GLUD1: variants seen among roughly 807,000 people sequenced by gnomAD.
The protein encoded by GLUD1 is glutamate dehydrogenase 1, mitochondrial.
A neutral mutation model predicts 56.0 loss-of-function variants in GLUD1; 22 were observed. The observed-to-expected ratio is 0.39, with a 90% CI of 0.28 to 0.56. GLUD1 has a LOEUF of 0.56. Ranked by LOEUF, GLUD1 falls within the 20% of genes least tolerant of loss-of-function variation. GLUD1 has a pLI of 0.58. For synonymous variants in GLUD1, 223 were observed against 269.9 expected (o/e 0.83, Z 1.70); for missense variants, 451 against 732.0 (o/e 0.62, Z 4.43).
intron 1 of GLUD1, among the ~76,000 whole-genome samples, chr10:87,079,922 C>T (rs1841163855): frequency 8.8e-6 from 1 of 113,040 alleles, no homozygotes; most frequent in East Asian, 2.8e-4. Flanking sequence ...CTCCCCCTCT[C>T]CCTCCCCCTC....
chr10:87,094,797 T>C lies in GLUD1; in HGVS notation c.-28A>G, dbSNP rs752229835. The C allele has an allele frequency of 5.3e-6, 8 of 1,512,346 alleles. No homozygotes were observed. The highest frequency in any genetic ancestry group is 1.8e-5 in the Admixed American group (1 of 54,170). The allele number at this position is 1,512,346 out of a possible 1,614,324, so 93.7% of individuals were successfully genotyped here. On this transcript the variant is annotated 5_prime_UTR_variant, in exon 1 of 13. Coordinates refer to ENST00000277865, the MANE Select transcript of GLUD1 (RefSeq NM_005271.5). This position sits in a 1 kb window ranked among gnomAD's most constrained non-coding sequence, Gnocchi z 6.6. ...CCACAAGCGGAGGGGAGGTGCGTGA[T>C]GGTCGCGAAACAGGCGCGCTTTCTC...
chr10:87,091,687 T>A (rs534878910), intron 1 of GLUD1: 14 of 360,156 alleles, frequency 3.9e-5, no homozygotes, highest in African/African-American at 3.1e-4. Context: ...AAAGTACACA[T>A]CAGCCACCAA....
At chr10:87,057,824 A>G (rs2133789275) in intron 10 of GLUD1, 42 bp from the exon 11 acceptor site, 2 of 750,662 alleles carry the variant, frequency 2.7e-6, no homozygotes, top group South Asian at 3.4e-5. Flanking sequence ...GCTAACAGAA[A>G]AAAAAAAAAA....
At position 87,081,166 on chromosome 10, in the gene GLUD1, C is replaced by G. The variant is rs1422158438; in HGVS notation, c.446-4510G>C. ...CTGGGAAGTGAGGAGTCCCTCTGCC[C>G]GGCCAGCCGCCCCGTCCAGGAGGGA... On this transcript the variant is annotated intron_variant, in intron 1 of 12. Transcript: ENST00000277865. Among the ~76,000 whole-genome samples the G allele has an allele frequency of 4.8e-5, 7 of 145,984 alleles. No homozygotes were observed. The East Asian group carries it at 1.4e-3, about 30-fold the overall frequency.
At position 87,093,400 on chromosome 10, in the gene GLUD1, TG is replaced by T. The variant is rs200077613; in HGVS notation, c.445+924del. On this transcript the variant is annotated intron_variant, in intron 1 of 12. Transcript: ENST00000277865. ...ACTAAAGAGGTATGATGCAATGTATTGGGGGGAAAAAAGCTCTTATTTGCTC... is the reference window on the plus strand; with the variant it reads ...ACTAAAGAGGTATGATGCAATGTATTGGGGGAAAAAAGCTCTTATTTGCTC... Among the ~76,000 whole-genome samples the T allele has an allele frequency of 7.7e-3, 1,167 of 152,228 alleles. 16 individuals are homozygous for T. The highest frequency in any genetic ancestry group is 0.027 in the African/African-American group (1,122 of 41,488).
intron 1 of GLUD1, chr10:87,093,799 T>C: frequency 1.6e-6 from 1 of 616,890 alleles, no homozygotes; most frequent in South Asian, 1.6e-5. Flanking sequence ...ATTCCTTTGG[T>C]TAATAAAACT....
Position 87,077,447 on chromosome 10 carries a change from A to C in GLUD1, c.446-791T>G, listed in dbSNP as rs959193760. On this transcript the variant is annotated intron_variant, in intron 1 of 12. Coordinates refer to ENST00000277865, the MANE Select transcript of GLUD1 (RefSeq NM_005271.5). ...TCCTTACCTGTTATTCTCCTCACCC[A>C]CTGCCAACCTCTTTCAATCTGAAAA... Among the ~76,000 whole-genome samples the C allele has an allele frequency of 2.0e-5, 3 of 152,044 alleles. No individual in the cohort carries two copies. The South Asian group carries it at 6.2e-4, about 32-fold the overall frequency.
rs200782393 is a variant in GLUD1, at chr10:87,060,184, C to G, written c.1255G>C (p.Glu419Gln). The change falls in exon 9 of 13, where the codon GAG (glutamate) becomes CAG (glutamine). Residue 419 changes from glutamate to glutamine, a missense_variant. Glu to Gln is a conservative substitution (Grantham distance 29, BLOSUM62 2). This residue lies in a region of GLUD1 where 248 missense variants were observed against 460.0 expected (regional missense o/e 0.54). Transcript: ENST00000277865. ...ACTGGAATAACCATAATGTTTCTCTCCAGGAAGATCTTGTCAGCTTCTGGA... is the reference window on the plus strand; with the variant it reads ...ACTGGAATAACCATAATGTTTCTCTGCAGGAAGATCTTGTCAGCTTCTGGA... ...TTPEADKIFL[E>Q]RNIMVIPDLY... 12 of 1,607,048 alleles carry G rather than the reference C, an allele frequency of 7.5e-6. No homozygotes were observed. Among genetic ancestry groups the G allele is most frequent in the Non-Finnish European group, 1.0e-5 (12 of 1,173,670 alleles).
In GLUD1 at chr10:87,063,271, C is replaced by T. The variant is rs139829091; in HGVS notation, c.742-436G>A. On this transcript the variant is annotated intron_variant, in intron 5 of 12. Coordinates refer to ENST00000277865, the MANE Select transcript of GLUD1 (RefSeq NM_005271.5). ...TGTTTTTAGTAGAGATGGGGTTTCT[C>T]CATGTTGGTCAGGCTGGTCTCAAAC... 6.7e-3 allele frequency among the ~76,000 whole-genome samples: 1,021 copies of T among 151,492 alleles called. 10 individuals carry two copies. Among genetic ancestry groups the T allele is most frequent in the African/African-American group, 0.022 (909 of 41,242 alleles).
At chr10:87,052,668 TCAAAAAAA>T (rs1318281224) in intron 12 of GLUD1, among the ~76,000 whole-genome samples, 3 of 16,538 alleles carry the variant, frequency 1.8e-4, no homozygotes, top group Non-Finnish European at 3.1e-4. Context: ...AAACTCCGTC[TCAAAAAAA>T]AAAAAAAAAA....
intron 3 of GLUD1, among the ~76,000 whole-genome samples, chr10:87,074,889 T>C (rs1923933): frequency 0.31 from 47,732 of 152,012 alleles, 7,796 homozygotes; most frequent in Middle Eastern, 0.36. Flanking sequence ...TAAGATTAAT[T>C]TAAATATAAT....
intron 9 of GLUD1, among the ~76,000 whole-genome samples, chr10:87,059,652 G>A (rs915517828): frequency 2.0e-5 from 3 of 152,168 alleles, no homozygotes; most frequent in African/African-American, 7.2e-5. Context: ...ATTACCTAAG[G>A]GTAGCCCATT....
intron 3 of GLUD1, among the ~76,000 whole-genome samples, chr10:87,075,363 T>C (rs1846356906): frequency 6.6e-6 from 1 of 152,104 alleles, no homozygotes. Context: ...ATTAATTACG[T>C]TTTAACTAAG....
chr10:87,070,378 A>C lies in GLUD1; in HGVS notation c.647-2221T>G, dbSNP rs183395393. ...CACTTTGGGAGGCCGAGGTGGGCTG[A>C]TCACGAGGTCAAGAGAGAGAGACCA... On this transcript the variant is annotated intron_variant, in intron 4 of 12. Coordinates refer to ENST00000277865, the MANE Select transcript of GLUD1 (RefSeq NM_005271.5). Among the ~76,000 whole-genome samples the C allele has an allele frequency of 2.5e-3, 385 of 152,164 alleles. 2 individuals carry two copies. The highest frequency in any genetic ancestry group is 3.6e-3 in the Non-Finnish European group (242 of 67,970).
chr10:87,060,603 G>C (rs940505303), intron 8 of GLUD1, 85 bp downstream of exon 8: 31 of 1,524,676 alleles, frequency 2.0e-5, no homozygotes, highest in East Asian at 1.3e-4. Flanking sequence ...TAAAAAGAAA[G>C]AGAAAACTCA....
intron 1 of GLUD1, among the ~76,000 whole-genome samples, chr10:87,077,202 GA>G (rs754152238): frequency 1.3e-5 from 2 of 152,014 alleles, no homozygotes; most frequent in Non-Finnish European, 2.9e-5. Flanking sequence ...GTAGAGACAG[GA>G]TCTCACCATG....
At chr10:87,070,065 T>C (rs1310704287) in intron 4 of GLUD1, among the ~76,000 whole-genome samples, 2 of 152,252 alleles carry the variant, frequency 1.3e-5, no homozygotes, top group Admixed American at 6.5e-5. Flanking sequence ...TTTCTCCCAA[T>C]GTACAAATGA....
intron 2 of GLUD1, 75 bp from the exon 3 acceptor site, chr10:87,076,098 A>G (rs1185508584): frequency 9.9e-7 from 1 of 1,006,046 alleles, no homozygotes; most frequent in Non-Finnish European, 1.6e-6. Flanking sequence ...ACCACACAAT[A>G]TTAGAGAAAC....
chr10:87,083,623 C>G (rs775517392), intron 1 of GLUD1, among the ~76,000 whole-genome samples: 10 of 152,176 alleles, frequency 6.6e-5, no homozygotes, highest in Non-Finnish European at 1.3e-4. Context: ...AGAACAGAAA[C>G]TAGAAGGAGG....
Sources: allele counts gnomAD v4.1 joint callset (sites outside exome capture counted in the v4.1 genomes callset), GRCh38; gene constraint gnomAD v4.1.1; regional missense constraint gnomAD v4.1.1; non-coding constraint Gnocchi (gnomAD v3.1); transcripts MANE v1.5; gene names NCBI Gene and HGNC (gene_info 2026-07-23, HGNC 2026-07-21).